The following TPRG1 variants were observed in gnomAD, a reference collection of about 807,000 sequenced individuals.
TPRG1 encodes the protein tumor protein p63-regulated gene 1 protein.
TPRG1 carries 29 observed loss-of-function variants against 29.3 expected under a neutral mutation model. The ratio of observed to expected loss-of-function variants is 0.99; its 90% CI spans 0.74 to 1.35. TPRG1 has a LOEUF of 1.35. TPRG1 is among the 40% of genes most tolerant of loss of function. TPRG1 has a pLI of 0.00. For missense variants in TPRG1, 327 were observed against 335.0 expected, an observed-to-expected ratio of 0.98 and a Z score of 0.19; for synonymous variants, 130 against 116.8, an observed-to-expected ratio of 1.11 and a Z score of -0.73.
chr3:189,294,028 A>C (rs1359402039), intron 4 of TPRG1, among the ~76,000 whole-genome samples: 1 of 152,158 alleles, frequency 6.6e-6, no homozygotes, highest in African/African-American at 2.4e-5. Flanking sequence ...ATGAACACTA[A>C]GTTTGAGCTA....
At chr3:189,194,536 C>T (rs1174374866) in intron 1 of TPRG1, among the ~76,000 whole-genome samples, 1 of 152,136 alleles carries the variant, frequency 6.6e-6, no homozygotes, top group Admixed American at 6.5e-5. Flanking sequence ...GGATCTGTGA[C>T]TCTGAGGCAT....
At chr3:189,144,271 A>C (rs988661384) in intron 3 of TPRG1, among the ~76,000 whole-genome samples, 1 of 152,210 alleles carries the variant, frequency 6.6e-6, no homozygotes, top group Non-Finnish European at 1.5e-5. Flanking sequence ...TTTGTTTCCT[A>C]TAAGTGGACT....
At chr3:189,267,379 A>G (rs1263573737) in intron 4 of TPRG1, among the ~76,000 whole-genome samples, 1 of 152,228 alleles carries the variant, frequency 6.6e-6, no homozygotes, top group Non-Finnish European at 1.5e-5. Context: ...GCCCTCAAAT[A>G]GCTTGAGATC....
intron 4 of TPRG1, among the ~76,000 whole-genome samples, chr3:189,094,830 G>A (rs1244355499): frequency 1.3e-5 from 2 of 152,082 alleles, no homozygotes; most frequent in Non-Finnish European, 2.9e-5. Flanking sequence ...CCTTCTTTAG[G>A]GTGACAATCC....
intron 1 of TPRG1, among the ~76,000 whole-genome samples, chr3:189,206,012 T>TTTCCTTCC (rs149478955): frequency 0.078 from 9,774 of 125,674 alleles, 1,203 homozygotes; most frequent in African/African-American, 0.25. Context: ...TGCAGGTACA[T>TTTCCTTCC]TTCCTTCCTT....
At chr3:189,035,331 A>T (rs1714192170) in intron 4 of TPRG1, among the ~76,000 whole-genome samples, 1 of 152,066 alleles carries the variant, frequency 6.6e-6, no homozygotes, top group South Asian at 2.1e-4. Context: ...AACTATAAAA[A>T]CCTAGAAGCA....
At chr3:189,266,899 T>G (rs1714196995) in intron 4 of TPRG1, among the ~76,000 whole-genome samples, 1 of 152,144 alleles carries the variant, frequency 6.6e-6, no homozygotes, top group African/African-American at 2.4e-5. Flanking sequence ...TTTTTCCCCT[T>G]TATGCTAACT....
intron 1 of TPRG1, among the ~76,000 whole-genome samples, chr3:189,193,024 G>T (rs529356555): frequency 1.3e-5 from 2 of 151,766 alleles, no homozygotes; most frequent in African/African-American, 2.4e-5. Context: ...CTGCCTGTAA[G>T]GTTTCTGCAG....
intron 1 of TPRG1, among the ~76,000 whole-genome samples, chr3:188,998,617 T>A (rs1711900152): frequency 6.6e-6 from 1 of 152,220 alleles, no homozygotes; most frequent in Non-Finnish European, 1.5e-5. Context: ...GTGGTACACA[T>A]ACACAGTGGA....
chr3:189,312,151 TTCTTTCTTTCTTTCTTTC>T, intron 5 of TPRG1, among the ~76,000 whole-genome samples: 1 of 65,640 alleles, frequency 1.5e-5, no homozygotes, highest in African/African-American at 7.3e-5. Flanking sequence ...CTTTCTTTCT[TTCTTTCTTTCTTTCTTTC>T]TTTCTTTCTT....
chr3:189,033,276 C>CTT (rs745431249), intron 4 of TPRG1, among the ~76,000 whole-genome samples: 2 of 140,868 alleles, frequency 1.4e-5, no homozygotes, highest in Non-Finnish European at 1.6e-5. Flanking sequence ...GTCATTATTC[C>CTT]TTTTTTTTTT....
chr3:189,223,193 A>T (rs548101820), intron 3 of TPRG1, among the ~76,000 whole-genome samples: 2 of 152,268 alleles, frequency 1.3e-5, no homozygotes, highest in East Asian at 3.9e-4. Context: ...TTTGGTTCTG[A>T]TCAAGTAATC....
chr3:189,252,273 T>G (rs1461532882), intron 4 of TPRG1, among the ~76,000 whole-genome samples: 1 of 151,920 alleles, frequency 6.6e-6, no homozygotes, highest in Non-Finnish European at 1.5e-5. Context: ...CAAAATGGAG[T>G]CTCCTATGTC....
intron 4 of TPRG1, among the ~76,000 whole-genome samples, chr3:189,270,845 C>T (rs993040971): frequency 5.9e-5 from 9 of 151,944 alleles, no homozygotes; most frequent in South Asian, 2.1e-4. Flanking sequence ...AACACAGATC[C>T]GTATGACATT....
chr3:189,246,363 G>A (rs1310099150), intron 4 of TPRG1, among the ~76,000 whole-genome samples: 2 of 152,080 alleles, frequency 1.3e-5, no homozygotes, highest in Admixed American at 6.6e-5. Context: ...TAAAAAGGGA[G>A]TAATACACAT....
chr3:189,244,291 A>C (rs937090604), intron 4 of TPRG1, among the ~76,000 whole-genome samples: 2 of 152,084 alleles, frequency 1.3e-5, no homozygotes, highest in Non-Finnish European at 2.9e-5. Flanking sequence ...TTAGCCAGGC[A>C]TGATGGTGCA....
intron 3 of TPRG1, among the ~76,000 whole-genome samples, chr3:189,022,673 T>G (rs976412855): frequency 1.3e-5 from 2 of 152,214 alleles, no homozygotes; most frequent in African/African-American, 4.8e-5. Flanking sequence ...CAGAGGTTAC[T>G]GCTGTCTTTT....
intron 4 of TPRG1, among the ~76,000 whole-genome samples, chr3:189,302,006 G>A (rs113360325): frequency 4.6e-4 from 70 of 152,038 alleles, no homozygotes; most frequent in Non-Finnish European, 9.1e-4. Context: ...AGCTCAACTG[G>A]ACATAAATAC....
chr3:189,249,378 C>A (rs1270384139), intron 4 of TPRG1, among the ~76,000 whole-genome samples: 1 of 151,616 alleles, frequency 6.6e-6, no homozygotes, highest in Non-Finnish European at 1.5e-5. Context: ...CTATTGCAAC[C>A]CTTACATTCT....
Sources: allele counts gnomAD v4.1 joint callset (sites outside exome capture counted in the v4.1 genomes callset), GRCh38; gene constraint gnomAD v4.1.1; transcripts MANE v1.5; gene names NCBI Gene and HGNC (gene_info 2026-07-23, HGNC 2026-07-21).